Variants in NME7 observed in about 807,000 individuals in gnomAD.
NME7 encodes the protein NME/NM23 family member 7.
Under a neutral mutation model 49.1 loss-of-function variants are expected in NME7, and 41 were observed. That is an observed-to-expected ratio of 0.83 (90% CI 0.65 to 1.08). NME7 has a LOEUF of 1.08. Ranked by LOEUF, NME7 falls within the 50% of genes least tolerant of loss-of-function variation. NME7 has a pLI of 0.00. For missense variants in NME7, 423 were observed against 463.4 expected (o/e 0.91, Z 0.80); for synonymous variants, 139 against 150.6 (o/e 0.92, Z 0.56).
chr1:169,211,453 G>A (rs1351271220), intron 10 of NME7, among the ~76,000 whole-genome samples: 1 of 152,100 alleles, frequency 6.6e-6, no homozygotes, highest in Non-Finnish European at 1.5e-5. Flanking sequence ...GGTAAAAACT[G>A]TCATCTATCT....
At chr1:169,224,485 T>G (rs1353543807) in intron 10 of NME7, among the ~76,000 whole-genome samples, 1 of 152,086 alleles carries the variant, frequency 6.6e-6, no homozygotes. Flanking sequence ...TTTAATAGAT[T>G]TTGGATATTC....
At chr1:169,232,319 C>A (rs1647656884) in intron 9 of NME7, among the ~76,000 whole-genome samples, 1 of 151,838 alleles carries the variant, frequency 6.6e-6, no homozygotes. Flanking sequence ...TGCTGTGCAA[C>A]CATGTCAAGC....
intron 11 of NME7, among the ~76,000 whole-genome samples, chr1:169,138,013 G>A (rs550167768): frequency 6.2e-4 from 95 of 152,302 alleles, no homozygotes; most frequent in African/African-American, 2.2e-3. Flanking sequence ...TATTTGAAAT[G>A]TTTTAAGACT....
At chr1:169,351,788 A>C (rs1653183577) in intron 1 of NME7, among the ~76,000 whole-genome samples, 1 of 152,042 alleles carries the variant, frequency 6.6e-6, no homozygotes, top group Non-Finnish European at 1.5e-5. Context: ...GATGGCTACT[A>C]TGAGCAACTA....
At chr1:169,340,710 A>G (rs1355149037) in intron 1 of NME7, among the ~76,000 whole-genome samples, 1 of 152,184 alleles carries the variant, frequency 6.6e-6, no homozygotes, top group African/African-American at 2.4e-5. Context: ...AAGATGAGAA[A>G]CTTAGTGGGA....
chr1:169,252,886 A>G (rs1469577340), intron 7 of NME7, among the ~76,000 whole-genome samples: 3 of 148,876 alleles, frequency 2.0e-5, no homozygotes, highest in Non-Finnish European at 3.0e-5. Context: ...ATGCGGTGTT[A>G]TTTCTGAGGG....
intron 1 of NME7, among the ~76,000 whole-genome samples, chr1:169,359,574 ATTACTT>A (rs1170086159): frequency 6.6e-6 from 1 of 152,062 alleles, no homozygotes; most frequent in Non-Finnish European, 1.5e-5. Flanking sequence ...ATGTAATTTT[ATTACTT>A]TTACTTTTAT....
chr1:169,133,662 C>T (rs909760665), intron 11 of NME7, among the ~76,000 whole-genome samples: 1 of 152,222 alleles, frequency 6.6e-6, no homozygotes, highest in Non-Finnish European at 1.5e-5. Context: ...AACTGCTTAA[C>T]TTTAATAGTT....
chr1:169,232,912 C>CTTTTCTTTTTTTTTTTTTTTTTTT (rs1557999411), intron 9 of NME7, among the ~76,000 whole-genome samples: 2 of 74,528 alleles, frequency 2.7e-5, no homozygotes, highest in Non-Finnish European at 2.5e-5. Flanking sequence ...GTTTTCTTTT[C>CTTTTCTTTTTTTTTTTTTTTTTTT]TTTTTTTTTT....
At chr1:169,220,802 T>C (rs1661121066) in intron 10 of NME7, among the ~76,000 whole-genome samples, 1 of 152,214 alleles carries the variant, frequency 6.6e-6, no homozygotes, top group Non-Finnish European at 1.5e-5. Flanking sequence ...AAAATGCTTA[T>C]AAAATAAATT....
chr1:169,236,721 C>CT (rs111598142), intron 8 of NME7, among the ~76,000 whole-genome samples: 97,428 of 145,282 alleles, frequency 0.67, 33,480 homozygotes, highest in African/African-American at 0.82. Flanking sequence ...AACTATTTCC[C>CT]TTTTTTTTTT....
intron 11 of NME7, among the ~76,000 whole-genome samples, chr1:169,152,742 G>T (rs866650072): frequency 6.6e-6 from 1 of 152,136 alleles, no homozygotes; most frequent in Non-Finnish European, 1.5e-5. Flanking sequence ...CTTAAGACTT[G>T]TTACTGGATG....
At chr1:169,339,334 G>A (rs1011129111) in intron 1 of NME7, among the ~76,000 whole-genome samples, 4 of 152,142 alleles carry the variant, frequency 2.6e-5, no homozygotes, top group African/African-American at 7.2e-5. Flanking sequence ...CAGGACATGA[G>A]TTACCCATGA....
intron 1 of NME7, among the ~76,000 whole-genome samples, chr1:169,354,434 G>C (rs539392310): frequency 1.7e-4 from 26 of 151,946 alleles, no homozygotes; most frequent in African/African-American, 6.3e-4. Context: ...AAAATTGAAA[G>C]AGTGAGTAAG....
At chr1:169,173,512 A>C (rs1659662752) in intron 10 of NME7, among the ~76,000 whole-genome samples, 2 of 152,150 alleles carry the variant, frequency 1.3e-5, no homozygotes. Context: ...TTTTCTTCAT[A>C]TCTGCTCTTA....
intron 4 of NME7, among the ~76,000 whole-genome samples, chr1:169,304,781 T>G (rs933020823): frequency 6.6e-6 from 1 of 152,172 alleles, no homozygotes; most frequent in Non-Finnish European, 1.5e-5. Flanking sequence ...TGATTGCAAA[T>G]TTCTGACTGC....
At chr1:169,162,981 G>A (rs1037732881) in intron 11 of NME7, among the ~76,000 whole-genome samples, 3 of 152,152 alleles carry the variant, frequency 2.0e-5, no homozygotes, top group Non-Finnish European at 4.4e-5. Flanking sequence ...TACATGCAAA[G>A]TTTTGGTTGT....
At position 169,298,605 on chromosome 1, in the gene NME7, C is replaced by A. The variant is rs768450528; in HGVS notation, c.599G>T (p.Gly200Val). Residue 200 changes from glycine (G) to valine (V), a missense_variant, in exon 6 of 12, where the codon GGC becomes GTC. Gly to Val is a moderately radical substitution (Grantham distance 109). Coordinates refer to ENST00000367811, the MANE Select transcript of NME7 (RefSeq NM_013330.5). ...ESIRALFGTD[G>V]IRNAAHGPDS... ...AGGGCCATGCGCTGCATTTCTTATGCCATCTGTTCCAAAGAGGGCTCTAAT... is the reference window on the plus strand; with the variant it reads ...AGGGCCATGCGCTGCATTTCTTATGACATCTGTTCCAAAGAGGGCTCTAAT... 3.1e-6 allele frequency: 5 copies of A among 1,613,822 alleles called. No individual in the cohort carries two copies. Among genetic ancestry groups the A allele is most frequent in the Non-Finnish European group, 4.2e-6 (5 of 1,179,886 alleles).
At position 169,275,162 on chromosome 1, in the gene NME7, C is replaced by A. The variant is rs1238897132; in HGVS notation, c.754+12141G>T. Among the ~76,000 whole-genome samples the A allele has an allele frequency of 2.3e-5, 3 of 131,738 alleles. 1 individual carries two copies. The highest frequency in any genetic ancestry group is 5.3e-5 in the Non-Finnish European group (3 of 56,428). The allele number at this position is 131,738 out of a possible 152,430, so 86.4% of individuals were successfully genotyped here. Reference sequence around the variant, plus strand: ...TTTCACTGAGCAATGGTTTGTAGTTCTCCTTGAAGAGGTCCTTCACGTCCC... The same window carrying A: ...TTTCACTGAGCAATGGTTTGTAGTTATCCTTGAAGAGGTCCTTCACGTCCC... On this transcript the variant is annotated intron_variant, in intron 7 of 11. Transcript: ENST00000367811.
Sources: gnomAD v4.1 joint callset for allele counts (sites outside exome capture counted in the v4.1 genomes callset) on GRCh38, gnomAD v4.1.1 for gene constraint, MANE v1.5 for transcripts, NCBI Gene and HGNC (gene_info 2026-07-23, HGNC 2026-07-21) for gene names.